The following LIMS2 variants were observed in gnomAD, a reference collection of about 807,000 sequenced individuals.
The protein encoded by LIMS2 is LIM zinc finger domain containing 2, also known as LIM and senescent cell antigen-like-containing domain protein 2.
In LIMS2, 30 loss-of-function variants were observed where a neutral mutation model predicts 45.3. That is an observed-to-expected ratio of 0.66 (90% CI 0.50 to 0.90). The LOEUF (loss-of-function observed/expected upper bound fraction) is 0.90. Ranked by LOEUF, LIMS2 falls within the 40% of genes least tolerant of loss-of-function variation. The probability of loss-of-function intolerance (pLI) is 0.00; values close to 1 mark genes in which losing one functional copy is unlikely to be tolerated. For missense variants in LIMS2, 485 were observed against 468.7 expected (o/e 1.03, Z -0.32); for synonymous variants, 173 against 188.0 (o/e 0.92, Z 0.65).
At chr2:127,654,676 G>T in intron 3 of LIMS2, 132 bp from the exon 4 acceptor site, 1 of 1,498,334 alleles carries the variant, frequency 6.7e-7, no homozygotes, top group Non-Finnish European at 9.2e-7. Context: ...GGATGGTGAT[G>T]CCTGTAGGGG....
At chr2:127,675,572 T>TA (rs1424453328), upstream of LIMS2, among the ~76,000 whole-genome samples, 1 of 151,882 alleles carries the variant, frequency 6.6e-6, no homozygotes, top group African/African-American at 2.4e-5. Context: ...GGAGTAAAGT[T>TA]ATAATAAACG....
rs551245718 is a variant in LIMS2, at chr2:127,651,049, G to A, written c.359+3375C>T. 6.3e-5 allele frequency: 102 copies of A among 1,613,712 alleles called. No individual in the cohort carries two copies. In the Middle Eastern group the frequency reaches 9.9e-4, roughly 16 times the overall value. On this transcript the variant is annotated intron_variant, in intron 4 of 9. Transcript: ENST00000355119. ...TGGCCATTTGGGGAAATCGCATGCC[G>A]TCTCACCGGCTTCCTCTTCTACCTC...
chr2:127,668,709 AAACACC>A (rs1685149928), intron 1 of LIMS2, among the ~76,000 whole-genome samples: 2 of 133,396 alleles, frequency 1.5e-5, no homozygotes, highest in African/African-American at 6.1e-5. Context: ...AAAAAAAAAA[AAACACC>A]TTACTTAAAA....
rs143058248 is a variant in LIMS2, at chr2:127,672,991, G to C, written c.11+2023C>G. ...TGGGGAAGGGCACCCAGCATGAAAC[G>C]GTGGAAATGAAACTCCACTGCTTCT... On this transcript the variant is annotated intron_variant, in intron 1 of 9. Coordinates refer to ENST00000355119, the MANE Select transcript of LIMS2 (RefSeq NM_001161403.3). The surrounding 1 kb of genome is among the most constrained non-coding windows in gnomAD (Gnocchi z 4.9). Among the ~76,000 whole-genome samples the C allele has an allele frequency of 1.9e-3, 290 of 152,316 alleles. 1 individual carries two copies. Among genetic ancestry groups the C allele is most frequent in the African/African-American group, 6.2e-3 (258 of 41,560 alleles).
chr2:127,650,764 G>A (rs766288196), intron 4 of LIMS2: 3 of 1,613,684 alleles, frequency 1.9e-6, no homozygotes, highest in Non-Finnish European at 2.5e-6. Context: ...GCTCCCCCAG[G>A]TCTGATCACC....
At chr2:127,661,529 T>C (rs1306410558) in intron 1 of LIMS2, among the ~76,000 whole-genome samples, 6 of 152,078 alleles carry the variant, frequency 3.9e-5, no homozygotes, top group African/African-American at 9.7e-5. Flanking sequence ...TCCTTCAAGA[T>C]AGAGAGCACA....
chr2:127,677,555 C>T (rs1464000648), upstream of LIMS2, among the ~76,000 whole-genome samples: 1 of 151,854 alleles, frequency 6.6e-6, no homozygotes, highest in Non-Finnish European at 1.5e-5. This position sits in a 1 kb window ranked among gnomAD's most constrained non-coding sequence, Gnocchi z 5.0. Context: ...GCTTGGGGTA[C>T]GCAAGGTCAG....
At chr2:127,650,109 G>A (rs557021396) in intron 4 of LIMS2, 46 of 1,573,238 alleles carry the variant, frequency 2.9e-5, no homozygotes, top group Non-Finnish European at 4.0e-5. Context: ...GACGTCCCAG[G>A]GTACAGCCCT....
At chr2:127,668,126 A>G (rs1309337168) in intron 1 of LIMS2, among the ~76,000 whole-genome samples, 1 of 152,214 alleles carries the variant, frequency 6.6e-6, no homozygotes, top group Non-Finnish European at 1.5e-5. Flanking sequence ...TAAATGCAAG[A>G]CTTCTTATTC....
chr2:127,675,055 G>C lies in LIMS2; in HGVS notation c.-31C>G, dbSNP rs1685446089. On this transcript the variant is annotated 5_prime_UTR_variant, in exon 1 of 10. Coordinates refer to ENST00000355119, the MANE Select transcript of LIMS2 (RefSeq NM_001161403.3). ...CAGCGACGCCGAGCCCTGGGTTGCCGGGGTTGCCGCGGGTCTCCCTCTGCT... is the reference window on the plus strand; with the variant it reads ...CAGCGACGCCGAGCCCTGGGTTGCCCGGGTTGCCGCGGGTCTCCCTCTGCT... The C allele has an allele frequency of 9.8e-7, 1 of 1,025,580 alleles. No individual in the cohort carries two copies. Among genetic ancestry groups the C allele is most frequent in the Admixed American group, 4.8e-5 (1 of 20,954 alleles). The allele number at this position is 1,025,580 out of a possible 1,614,324, so 63.5% of individuals were successfully genotyped here. A position where few individuals can be genotyped will look rare whatever the true frequency, so the allele number is the denominator to read the frequency against.
intron 2 of LIMS2, among the ~76,000 whole-genome samples, chr2:127,657,154 G>C (rs931294382): frequency 6.6e-5 from 10 of 152,216 alleles, no homozygotes; most frequent in African/African-American, 2.2e-4. Context: ...CCTGCCCCCA[G>C]GGCCTGCCCA....
Position 127,639,150 on chromosome 2 carries a change from G to A in LIMS2, c.*131C>T, listed in dbSNP as rs2105179531. 1 of 937,750 alleles carries A rather than the reference G, an allele frequency of 1.1e-6. No individual in the cohort carries two copies. Among genetic ancestry groups the A allele is most frequent in the Non-Finnish European group, 1.6e-6 (1 of 625,836 alleles). 58.1% of individuals were successfully genotyped at this position (937,750 alleles called of 1,614,324 possible). ...GCAGAGATGAGGGAACAGGAAGGGAGAAGGCAATGAGGAAAGAGAAAGGGA... is the reference window on the plus strand; with the variant it reads ...GCAGAGATGAGGGAACAGGAAGGGAAAAGGCAATGAGGAAAGAGAAAGGGA... On this transcript the variant is annotated 3_prime_UTR_variant, in exon 10 of 10. Coordinates refer to ENST00000355119, the MANE Select transcript of LIMS2 (RefSeq NM_001161403.3).
chr2:127,669,268 C>A (rs1685175110), intron 1 of LIMS2, among the ~76,000 whole-genome samples: 1 of 152,026 alleles, frequency 6.6e-6, no homozygotes, highest in African/African-American at 2.4e-5. Flanking sequence ...ATTTCATGAG[C>A]CAGGATTAGG....
intron 4 of LIMS2, chr2:127,651,444 A>G (rs748277703): frequency 6.2e-7 from 1 of 1,612,950 alleles, no homozygotes; most frequent in African/African-American, 1.3e-5. Context: ...AGTGCGCATG[A>G]TCGCCATAGT....
intron 4 of LIMS2, chr2:127,649,998 C>T: frequency 6.2e-7 from 1 of 1,602,708 alleles, no homozygotes; most frequent in South Asian, 1.1e-5. Flanking sequence ...ACACAGGTCT[C>T]CCCACCTGTC....
rs972137988 is a variant in LIMS2 at position 127,667,793 on chromosome 2, C to T, written c.11+7221G>A. On this transcript the variant is annotated intron_variant, in intron 1 of 9. Coordinates refer to ENST00000355119, the MANE Select transcript of LIMS2 (RefSeq NM_001161403.3). This position sits in a 1 kb window ranked among gnomAD's most constrained non-coding sequence, Gnocchi z 4.1. ...CCTAAGGTCAGGGGGATTTCCAGTC[C>T]GCTATTTGTTTTCAACATTGCACTG... Among the ~76,000 whole-genome samples, 13 of 152,228 alleles carry T rather than the reference C, an allele frequency of 8.5e-5. No individual in the cohort carries two copies. The East Asian group carries it at 9.6e-4, about 11-fold the overall frequency.
intron 4 of LIMS2, chr2:127,648,177 C>A (rs141514188): frequency 0.015 from 14,794 of 985,380 alleles, 135 homozygotes; most frequent in Non-Finnish European, 0.017. Context: ...ATGAGGAACT[C>A]CACATTGGAC....
rs1156465932 is a variant in LIMS2, at chr2:127,664,147, G to A, written c.12-6585C>T. Among the ~76,000 whole-genome samples, 5 of 151,836 alleles carry A rather than the reference G, an allele frequency of 3.3e-5. No homozygotes were observed. Among genetic ancestry groups the A allele is most frequent in the African/African-American group, 7.3e-5 (3 of 41,374 alleles). ...ACATCCAACCCTGTTAGATAAAGTC[G>A]CACGCGCCCACCCTGTCGCCAACCC... On this transcript the variant is annotated intron_variant, in intron 1 of 9. Coordinates refer to ENST00000355119, the MANE Select transcript of LIMS2 (RefSeq NM_001161403.3). This position sits in a 1 kb window ranked among gnomAD's most constrained non-coding sequence, Gnocchi z 5.5.
intron 1 of LIMS2, among the ~76,000 whole-genome samples, chr2:127,663,723 G>A (rs1002712288): frequency 2.1e-5 from 3 of 144,512 alleles, no homozygotes; most frequent in African/African-American, 7.7e-5. Flanking sequence ...CAGCCCTATT[G>A]CTCTCTCTTC....
Sources: allele counts gnomAD v4.1 joint callset (sites outside exome capture counted in the v4.1 genomes callset), GRCh38; gene constraint gnomAD v4.1.1; non-coding constraint Gnocchi (gnomAD v3.1); transcripts MANE v1.5; gene names NCBI Gene and HGNC (gene_info 2026-07-23, HGNC 2026-07-21).